Variants in NHSL2 observed in about 807,000 individuals in gnomAD.
NHSL2 encodes NHS like 2.
NHSL2 carries 27 observed loss-of-function variants against 53.4 expected under a neutral mutation model. The ratio of observed to expected loss-of-function variants is 0.51; its 90% CI spans 0.37 to 0.70. The LOEUF is 0.70. Among genes scored for constraint, NHSL2 ranks in the 30% least tolerant of loss-of-function variants. The pLI is 0.00. For synonymous variants in NHSL2, 408 were observed against 404.1 expected (o/e 1.01, Z -0.12); for missense variants, 892 against 980.1 (o/e 0.91, Z 1.20).
At chrX:71,976,045 C>T (rs2041946848) in intron 1 of NHSL2, among the ~76,000 whole-genome samples, 1 of 111,871 alleles carries the variant, frequency 8.9e-6, no homozygotes, top group African/African-American at 3.3e-5. Flanking sequence ...CTGCTAAGGA[C>T]ATATCCTCCA....
At chrX:72,066,596 G>T (rs186890195) in intron 1 of NHSL2, among the ~76,000 whole-genome samples, 20 of 111,253 alleles carry the variant, frequency 1.8e-4, no homozygotes, top group Non-Finnish European at 3.0e-4. Flanking sequence ...GGAGAAGAGT[G>T]GTGAGGCAGA....
At chrX:71,985,118 C>T (rs781224840) in intron 1 of NHSL2, among the ~76,000 whole-genome samples, 8 of 111,894 alleles carry the variant, frequency 7.1e-5, no homozygotes, top group South Asian at 3.8e-4. Context: ...CCACCGTGCC[C>T]GGCTGATGGA....
intron 1 of NHSL2, among the ~76,000 whole-genome samples, chrX:71,958,162 G>A (rs1602278765): frequency 9.0e-6 from 1 of 110,990 alleles, no homozygotes; most frequent in Non-Finnish European, 1.9e-5. Flanking sequence ...GTCTCCCTTA[G>A]TATATCCTCA....
At chrX:72,142,843 ATT>A (rs2042429560) in intron 7 of NHSL2, among the ~76,000 whole-genome samples, 1 of 112,070 alleles carries the variant, frequency 8.9e-6, no homozygotes, top group African/African-American at 3.2e-5. Context: ...GGGACCAGTT[ATT>A]GGACAGGGTT....
rs1252199791 is a variant in NHSL2 at position 72,087,346 on chromosome X, G to C, written c.281-44733G>C. On this transcript the variant is annotated intron_variant, in intron 1 of 7. Coordinates refer to ENST00000633930, the MANE Select transcript of NHSL2 (RefSeq NM_001013627.3). ...CAGAAAGTTGACTAGAAGTTACCAG[G>C]GCCTAGGAGAGGGAGAAATAGGAAA... 3.6e-5 allele frequency among the ~76,000 whole-genome samples: 4 copies of C among 111,965 alleles called. No homozygotes were observed. In the Admixed American group the frequency reaches 3.8e-4, roughly 11 times the overall value.
intron 1 of NHSL2, among the ~76,000 whole-genome samples, chrX:72,031,097 G>C (rs1235330586): frequency 8.9e-6 from 1 of 112,123 alleles, no homozygotes; most frequent in South Asian, 3.8e-4. Context: ...TTTAACACTC[G>C]GAAGGAGAGG....
At position 72,101,940 on chromosome X, in the gene NHSL2, A is replaced by T. The variant is rs767874805; in HGVS notation, c.281-30139A>T. 2.2e-4 allele frequency among the ~76,000 whole-genome samples: 24 copies of T among 111,588 alleles called. No homozygotes were observed. In the South Asian group the frequency reaches 8.5e-3, roughly 40 times the overall value. Reference sequence around the variant, plus strand: ...AAATCTAAGTCCCATGCACATGGTGATCTCACCCCAGCCTCTACTGCTTCA... The same window carrying T: ...AAATCTAAGTCCCATGCACATGGTGTTCTCACCCCAGCCTCTACTGCTTCA... On this transcript the variant is annotated intron_variant, in intron 1 of 7. Coordinates refer to ENST00000633930, the MANE Select transcript of NHSL2 (RefSeq NM_001013627.3).
chrX:71,969,440 G>A (rs1380695966), intron 1 of NHSL2, among the ~76,000 whole-genome samples: 1 of 108,269 alleles, frequency 9.2e-6, no homozygotes, highest in African/African-American at 3.4e-5. Flanking sequence ...AGCCTCCCCA[G>A]TAGCTGGGAT....
intron 1 of NHSL2, among the ~76,000 whole-genome samples, chrX:72,080,737 T>C (rs925090724): frequency 3.6e-5 from 4 of 111,453 alleles, no homozygotes; most frequent in Non-Finnish European, 5.6e-5. Context: ...CCTGGACTCC[T>C]GCTAAAATGC....
intron 1 of NHSL2, among the ~76,000 whole-genome samples, chrX:71,992,583 A>C (rs2042032135): frequency 8.9e-6 from 1 of 112,619 alleles, no homozygotes; most frequent in African/African-American, 3.2e-5. Context: ...GGATAAAGCA[A>C]ACTTTCCAAA....
intron 1 of NHSL2, among the ~76,000 whole-genome samples, chrX:72,065,735 A>G (rs1342419740): frequency 1.8e-5 from 2 of 112,319 alleles, no homozygotes; most frequent in Non-Finnish European, 3.8e-5. Context: ...GGGGAGGTTA[A>G]GTAAGTTGTA....
intron 1 of NHSL2, among the ~76,000 whole-genome samples, chrX:71,921,399 G>A (rs186406641): frequency 3.8e-5 from 4 of 104,587 alleles, no homozygotes; most frequent in Admixed American, 3.1e-4. Context: ...CAGCCTGGGT[G>A]ACAAGAGCAA....
intron 1 of NHSL2, among the ~76,000 whole-genome samples, chrX:72,107,132 T>A (rs1005846871): frequency 2.7e-5 from 3 of 110,442 alleles, no homozygotes; most frequent in Admixed American, 9.6e-5. Flanking sequence ...ATAAATAAAA[T>A]TTTTTAAAAG....
chrX:71,968,487 T>G (rs2041910813), intron 1 of NHSL2, among the ~76,000 whole-genome samples: 2 of 112,639 alleles, frequency 1.8e-5, no homozygotes, highest in Admixed American at 9.4e-5. Flanking sequence ...ATGTGAGCTC[T>G]TTCTGCCCTT....
intron 1 of NHSL2, among the ~76,000 whole-genome samples, chrX:72,034,591 A>G (rs749188941): frequency 3.6e-5 from 4 of 112,109 alleles, no homozygotes; most frequent in Non-Finnish European, 5.6e-5. Context: ...AAAATTGTAA[A>G]TTCAGTTTTT....
At chrX:72,142,840 GT>G (rs2042429389) in intron 7 of NHSL2, among the ~76,000 whole-genome samples, 1 of 112,115 alleles carries the variant, frequency 8.9e-6, no homozygotes, top group African/African-American at 3.2e-5. Flanking sequence ...ATGGGGACCA[GT>G]TATTGGACAG....
rs1239643073 is a variant in NHSL2, at chrX:72,146,687, G to A, written c.*3113G>A. The A allele has an allele frequency of 9.0e-6, 1 of 111,448 alleles. No individual in the cohort carries two copies. The highest frequency in any genetic ancestry group is 1.9e-5 in the Non-Finnish European group (1 of 53,122). 9.2% of individuals were successfully genotyped at this position (111,448 alleles called of 1,213,427 possible). On this transcript the variant is annotated 3_prime_UTR_variant, in exon 8 of 8. Transcript: ENST00000633930. ...GGAGCGGAGGTTAATTGTTAACCAA[G>A]GATGCTTTGCATTTGGTGGGTAGTC...
At chrX:72,002,626 G>C (rs1011047348) in intron 1 of NHSL2, among the ~76,000 whole-genome samples, 1 of 111,728 alleles carries the variant, frequency 9.0e-6, no homozygotes, top group African/African-American at 3.3e-5. Flanking sequence ...AGTAGGACTG[G>C]AGCTGTAGAT....
intron 1 of NHSL2, among the ~76,000 whole-genome samples, chrX:72,031,243 T>G (rs963016183): frequency 3.6e-5 from 4 of 111,376 alleles, no homozygotes; most frequent in African/African-American, 1.3e-4. Context: ...CCACTTTGCT[T>G]TGGGAGGTGT....
Sources: gnomAD v4.1 joint callset for allele counts (sites outside exome capture counted in the v4.1 genomes callset) on GRCh38, gnomAD v4.1.1 for gene constraint, MANE v1.5 for transcripts, NCBI Gene and HGNC (gene_info 2026-07-23, HGNC 2026-07-21) for gene names.